MALRD1: variants seen among roughly 807,000 people sequenced by gnomAD.
The protein encoded by MALRD1 is MAM and LDL-receptor class A domain-containing protein 1.
MALRD1 carries 247 observed loss-of-function variants against 242.1 expected under a neutral mutation model. The ratio of observed to expected loss-of-function variants is 1.02; its 90% CI spans 0.92 to 1.13. The LOEUF (loss-of-function observed/expected upper bound fraction) is 1.13, where lower values mean the gene tolerates loss of function less well. Among genes scored for constraint, MALRD1 ranks in the 50% most tolerant of loss-of-function variants. The pLI is 0.00. For missense variants in MALRD1, 2,989 were observed against 2,533.1 expected (o/e 1.18, Z -3.86); for synonymous variants, 995 against 866.6 (o/e 1.15, Z -2.60).
At chr10:19,659,230 C>A (rs1016419737) in intron 36 of MALRD1, among the ~76,000 whole-genome samples, 3 of 152,068 alleles carry the variant, frequency 2.0e-5, no homozygotes, top group Admixed American at 6.6e-5. Context: ...ATAAAATGAT[C>A]GTTTATGGTA....
chr10:19,254,895 A>T (rs1026768555), intron 18 of MALRD1, among the ~76,000 whole-genome samples: 10 of 152,008 alleles, frequency 6.6e-5, no homozygotes, highest in African/African-American at 1.9e-4. Context: ...CATTTCTCTT[A>T]TGAGTTAACT....
intron 9 of MALRD1, among the ~76,000 whole-genome samples, chr10:19,134,878 T>G (rs1460035621): frequency 3.9e-5 from 6 of 152,262 alleles, no homozygotes; most frequent in Admixed American, 3.9e-4. Flanking sequence ...TATAGGCCTT[T>G]GAGATCTAAG....
At chr10:19,392,347 C>G (rs1172725810) in intron 28 of MALRD1, among the ~76,000 whole-genome samples, 1 of 152,112 alleles carries the variant, frequency 6.6e-6, no homozygotes, top group African/African-American at 2.4e-5. Flanking sequence ...TGTTTACTCC[C>G]AACCCTGAGC....
chr10:19,310,790 A>C (rs1235334128), intron 21 of MALRD1, among the ~76,000 whole-genome samples: 2 of 151,420 alleles, frequency 1.3e-5, no homozygotes, highest in East Asian at 1.9e-4. Context: ...ACTGAGTTCA[A>C]GATCAACTTT....
intron 29 of MALRD1, among the ~76,000 whole-genome samples, chr10:19,476,882 A>T (rs112274932): frequency 1.3e-5 from 2 of 152,118 alleles, no homozygotes; most frequent in Admixed American, 6.6e-5. Flanking sequence ...ATATTTCAAC[A>T]TACGCTTCCA....
chr10:19,200,144 A>G (rs1588688085), intron 14 of MALRD1, among the ~76,000 whole-genome samples: 1 of 152,138 alleles, frequency 6.6e-6, no homozygotes, highest in South Asian at 2.1e-4. Flanking sequence ...ATAATAAAAT[A>G]AAACAGGGAC....
At chr10:19,215,113 T>C (rs897517206) in intron 18 of MALRD1, among the ~76,000 whole-genome samples, 2 of 152,214 alleles carry the variant, frequency 1.3e-5, no homozygotes, top group East Asian at 3.9e-4. Flanking sequence ...ATTGCTTTGA[T>C]TGTGTTTTGC....
chr10:19,341,507 TATATGTGTGTATATATGTATATATATAC>T (rs1353063564), intron 24 of MALRD1, among the ~76,000 whole-genome samples: 12 of 126,600 alleles, frequency 9.5e-5, no homozygotes, highest in African/African-American at 3.6e-4. Flanking sequence ...TATATGTATA[TATATGTGTGTATATATGTATATATATAC>T]ACACATATAT....
chr10:19,544,947 A>T (rs1044006390), intron 32 of MALRD1, among the ~76,000 whole-genome samples: 2 of 152,082 alleles, frequency 1.3e-5, no homozygotes, highest in African/African-American at 4.8e-5. Flanking sequence ...TTTTTGTTTG[A>T]TATGCATATT....
chr10:19,338,529 A>G (rs150331210), intron 24 of MALRD1, among the ~76,000 whole-genome samples: 3 of 146,912 alleles, frequency 2.0e-5, no homozygotes, highest in Admixed American at 1.3e-4. Flanking sequence ...AACAAAATAA[A>G]CCATAAAAAA....
chr10:19,592,711 A>G, intron 33 of MALRD1, among the ~76,000 whole-genome samples: 1 of 149,558 alleles, frequency 6.7e-6, no homozygotes, highest in Non-Finnish European at 1.5e-5. Flanking sequence ...CATATCCACT[A>G]TAAGGAAAAA....
intron 18 of MALRD1, among the ~76,000 whole-genome samples, chr10:19,237,358 A>T (rs1457786595): frequency 2.7e-5 from 4 of 149,824 alleles, no homozygotes; most frequent in African/African-American, 9.8e-5. Context: ...TTTTTTTTTT[A>T]AGATTCCACA....
At chr10:19,356,848 C>T (rs1443828329) in intron 26 of MALRD1, among the ~76,000 whole-genome samples, 1 of 152,124 alleles carries the variant, frequency 6.6e-6, no homozygotes, top group Non-Finnish European at 1.5e-5. Flanking sequence ...GTGGCTCACA[C>T]CTGTAATCCC....
At chr10:19,239,376 T>G (rs1388383677) in intron 18 of MALRD1, among the ~76,000 whole-genome samples, 1 of 152,176 alleles carries the variant, frequency 6.6e-6, no homozygotes, top group Non-Finnish European at 1.5e-5. Flanking sequence ...TTGTTTAAGT[T>G]TCTTATATAA....
intron 28 of MALRD1, among the ~76,000 whole-genome samples, chr10:19,444,423 G>A (rs1392174870): frequency 2.6e-5 from 4 of 152,062 alleles, no homozygotes; most frequent in African/African-American, 4.8e-5. Flanking sequence ...TTACAATTTG[G>A]CATGTTTTTG....
intron 17 of MALRD1, among the ~76,000 whole-genome samples, chr10:19,207,667 A>AT (rs1458968900): frequency 2.0e-5 from 3 of 151,814 alleles, no homozygotes; most frequent in South Asian, 4.2e-4. Flanking sequence ...CTCCCGGATA[A>AT]TTTGTTTGTA....
At chr10:19,520,983 A>G (rs1833855774) in intron 31 of MALRD1, among the ~76,000 whole-genome samples, 2 of 152,094 alleles carry the variant, frequency 1.3e-5, no homozygotes, top group African/African-American at 2.4e-5. Flanking sequence ...ATACTTAACA[A>G]ATGTTTCAAG....
intron 33 of MALRD1, among the ~76,000 whole-genome samples, chr10:19,594,511 A>T (rs113504411): frequency 0.028 from 4,289 of 152,244 alleles, 177 homozygotes; most frequent in African/African-American, 0.096. Flanking sequence ...AAAAGTTATT[A>T]TATGAAAAAG....
intron 33 of MALRD1, among the ~76,000 whole-genome samples, chr10:19,593,558 A>C (rs1837925757): frequency 6.6e-6 from 1 of 152,188 alleles, no homozygotes; most frequent in African/African-American, 2.4e-5. Context: ...ACTTGGCTCT[A>C]TATTTTCCCT....
Sources: gnomAD v4.1 joint callset for allele counts (sites outside exome capture counted in the v4.1 genomes callset) on GRCh38, gnomAD v4.1.1 for gene constraint, MANE v1.5 for transcripts, NCBI Gene and HGNC (gene_info 2026-07-23, HGNC 2026-07-21) for gene names.